Variants in CTBP2 observed in about 807,000 individuals in gnomAD.
The protein encoded by CTBP2 is C-terminal-binding protein 2.
Under a neutral mutation model 80.3 loss-of-function variants are expected in CTBP2, and 30 were observed. That is an observed-to-expected ratio of 0.37 (90% CI 0.28 to 0.51). CTBP2 has a LOEUF of 0.51. Ranked by LOEUF, CTBP2 falls within the 20% of genes least tolerant of loss-of-function variation. The pLI, the probability that CTBP2 is intolerant of heterozygous loss-of-function variation, is 0.93. For synonymous variants in CTBP2, 594 were observed against 587.4 expected (o/e 1.01, Z -0.16); for missense variants, 1,212 against 1,375.3 (o/e 0.88, Z 1.88).
chr10:125,152,598 GA>G (rs1860192887), intron 1 of CTBP2, among the ~76,000 whole-genome samples: 1 of 152,050 alleles, frequency 6.6e-6, no homozygotes, highest in Non-Finnish European at 1.5e-5. Context: ...TAATGACTGT[GA>G]AATGTTTTTA....
At chr10:125,134,333 C>A (rs1453402607) in intron 1 of CTBP2, among the ~76,000 whole-genome samples, 1 of 152,130 alleles carries the variant, frequency 6.6e-6, no homozygotes, top group Non-Finnish European at 1.5e-5. Flanking sequence ...CAGCGGAAGC[C>A]CCCCCGCCCC....
At chr10:124,998,685 A>C (rs1589958850) in intron 3 of CTBP2, 2 of 166,670 alleles carry the variant, frequency 1.2e-5, no homozygotes, top group East Asian at 1.6e-4. Context: ...AAACACCTCC[A>C]CCCCCACACG....
At chr10:124,994,959 T>C (rs540573450) in intron 4 of CTBP2, among the ~76,000 whole-genome samples, 138 of 152,366 alleles carry the variant, frequency 9.1e-4, no homozygotes, top group African/African-American at 3.1e-3. Context: ...TTCCTTGTTA[T>C]TGACATTTTC....
chr10:125,051,501 G>A lies in CTBP2; in HGVS notation c.-101-12346C>T, dbSNP rs562764006. Among the ~76,000 whole-genome samples, 11 of 152,200 alleles carry A rather than the reference G, an allele frequency of 7.2e-5. No homozygotes were observed. The South Asian group carries it at 2.3e-3, about 32-fold the overall frequency. ...CTAAAAATACAAAAATTAGCCAGGTGTGGTGGTGGGCACCTGTAATCCCAG... is the reference window on the plus strand; with the variant it reads ...CTAAAAATACAAAAATTAGCCAGGTATGGTGGTGGGCACCTGTAATCCCAG... On this transcript the variant is annotated intron_variant, in intron 2 of 10. Coordinates refer to the CTBP2 transcript ENST00000337195.
rs1340914295 is a variant in CTBP2, at chr10:124,988,176, G to A, written c.*1342C>T. The A allele has an allele frequency of 1.3e-5, 2 of 152,252 alleles. No individual in the cohort carries two copies. The highest frequency in any genetic ancestry group is 1.5e-5 in the Non-Finnish European group (1 of 68,020). The allele number at this position is 152,252 out of a possible 1,614,324, so 9.4% of individuals were successfully genotyped here. A position where few individuals can be genotyped will look rare whatever the true frequency, so the allele number is the denominator to read the frequency against. On this transcript the variant is annotated 3_prime_UTR_variant, in exon 9 of 9. Transcript: ENST00000309035. The stretch of plus-strand genomic sequence containing the variant: ...TTTTGATTTTTCAATTAAACTTTTT[G>A]TTATCACAGGTAATTAATTGTCAGC...
intron 4 of CTBP2, among the ~76,000 whole-genome samples, chr10:124,995,075 A>C (rs566242629): frequency 1.8e-4 from 28 of 152,102 alleles, no homozygotes; most frequent in Non-Finnish European, 3.8e-4. Flanking sequence ...GCTTCTTAAC[A>C]TGAGCTTTGT....
chr10:125,136,623 C>T (rs1046912872), intron 1 of CTBP2, among the ~76,000 whole-genome samples: 8 of 152,100 alleles, frequency 5.3e-5, no homozygotes, highest in Non-Finnish European at 1.2e-4. Flanking sequence ...GGAATTATGC[C>T]CTCAGCACCT....
chr10:125,018,874 G>A (rs1233340566), intron 1 of CTBP2, among the ~76,000 whole-genome samples: 4 of 152,240 alleles, frequency 2.6e-5, no homozygotes, highest in African/African-American at 7.2e-5. Flanking sequence ...CACACCCAGG[G>A]TGCTAACTCA....
upstream of CTBP2, among the ~76,000 whole-genome samples, chr10:125,032,118 G>GT (rs149039954): frequency 0.017 from 2,612 of 152,010 alleles, 82 homozygotes; most frequent in African/African-American, 0.06. Context: ...GAGCCAAAGT[G>GT]TGCAACGGGA....
chr10:125,150,353 A>G (rs1225046631), intron 1 of CTBP2, among the ~76,000 whole-genome samples: 1 of 152,254 alleles, frequency 6.6e-6, no homozygotes, highest in Non-Finnish European at 1.5e-5. Context: ...AGCTACACAC[A>G]TAACCCCAGG....
intron 1 of CTBP2, among the ~76,000 whole-genome samples, chr10:125,149,406 G>A (rs920933573): frequency 1.1e-3 from 165 of 152,248 alleles, no homozygotes; most frequent in African/African-American, 3.7e-3. Flanking sequence ...ACTGCAGGGG[G>A]CACTTAAAAT....
Position 124,984,554 on chromosome 10 carries a change from G to GT in CTBP2, c.*4963dup, listed in dbSNP as rs1951990271. On this transcript the variant is annotated 3_prime_UTR_variant, in exon 9 of 9. Transcript: ENST00000309035. ...TTACCCTCTAGTGTGCTCCTCTTTA[G>GT]TTTTTTTCTGAGAAATTTCCCATTT... 3.8e-6 allele frequency: 2 copies of GT among 531,162 alleles called. No individual in the cohort carries two copies. The highest frequency in any genetic ancestry group is 3.5e-5 in the Admixed American group (1 of 28,938). 32.9% of individuals were successfully genotyped at this position (531,162 alleles called of 1,614,324 possible).
intron 2 of CTBP2, among the ~76,000 whole-genome samples, chr10:125,063,217 CTAA>C (rs1177528737): frequency 6.6e-6 from 1 of 152,220 alleles, no homozygotes; most frequent in African/African-American, 2.4e-5. Flanking sequence ...ATCTGGAAAG[CTAA>C]TTACGTGTTA....
intron 2 of CTBP2, among the ~76,000 whole-genome samples, chr10:125,042,490 G>A (rs893425848): frequency 1.3e-5 from 2 of 152,252 alleles, no homozygotes; most frequent in Non-Finnish European, 2.9e-5. Context: ...CAGAGGGAAC[G>A]TGTTTCACTA....
chr10:124,990,676 C>G (rs914156449), intron 8 of CTBP2, among the ~76,000 whole-genome samples: 2 of 152,220 alleles, frequency 1.3e-5, no homozygotes, highest in Non-Finnish European at 2.9e-5. Context: ...CCCCTAATTC[C>G]AGTTCAAATC....
intron 1 of CTBP2, chr10:125,005,696 A>G (rs1484834247): frequency 1.2e-6 from 2 of 1,612,936 alleles, no homozygotes; most frequent in African/African-American, 1.3e-5. Context: ...TCTGCTAAGA[A>G]AATGGTACAA....
intron 1 of CTBP2, among the ~76,000 whole-genome samples, chr10:125,151,239 C>CCACTT (rs1859802998): frequency 2.0e-5 from 3 of 152,188 alleles, no homozygotes; most frequent in African/African-American, 7.2e-5. Flanking sequence ...CAAGACGAAA[C>CCACTT]GGGCCAGATC....
chr10:125,113,355 C>T (rs995011066), intron 1 of CTBP2, among the ~76,000 whole-genome samples: 1 of 152,232 alleles, frequency 6.6e-6, no homozygotes, highest in African/African-American at 2.4e-5. Context: ...TGGCAGGCTA[C>T]TATATACCCT....
intron 2 of CTBP2, among the ~76,000 whole-genome samples, chr10:125,061,266 G>C (rs1252214319): frequency 6.6e-6 from 1 of 152,208 alleles, no homozygotes. Flanking sequence ...CTTCCCGATA[G>C]GACTTCCAGT....
Sources: gnomAD v4.1 joint callset for allele counts (sites outside exome capture counted in the v4.1 genomes callset) on GRCh38, gnomAD v4.1.1 for gene constraint, MANE v1.5 for transcripts, NCBI Gene and HGNC (gene_info 2026-07-23, HGNC 2026-07-21) for gene names.